Variants in TMEM182 observed in about 807,000 individuals in gnomAD.
The protein encoded by TMEM182 is transmembrane protein 182.
Under a neutral mutation model 26.8 loss-of-function variants are expected in TMEM182, and 20 were observed. That is an observed-to-expected ratio of 0.75 (90% CI 0.53 to 1.09). TMEM182 has a LOEUF of 1.09. Among genes scored for constraint, TMEM182 ranks in the 50% least tolerant of loss-of-function variants. The probability of loss-of-function intolerance (pLI) is 0.00; values close to 1 mark genes in which losing one functional copy is unlikely to be tolerated. For missense variants in TMEM182, 277 were observed against 275.5 expected, an observed-to-expected ratio of 1.01 and a Z score of -0.04; for synonymous variants, 109 against 102.2, an observed-to-expected ratio of 1.07 and a Z score of -0.40.
downstream of TMEM182, among the ~76,000 whole-genome samples, chr2:102,821,567 A>C (rs1682916165): frequency 6.6e-6 from 1 of 152,190 alleles, no homozygotes; most frequent in South Asian, 2.1e-4. Context: ...TTTTCAGCTT[A>C]CAGAACCGTG....
intron 3 of TMEM182, among the ~76,000 whole-genome samples, chr2:102,774,505 T>C (rs2104682925): frequency 6.6e-6 from 1 of 152,050 alleles, no homozygotes; most frequent in South Asian, 2.1e-4. Context: ...GACCTTGTGA[T>C]CTGCCCGCCT....
At chr2:102,781,579 A>G (rs977349251) in intron 3 of TMEM182, among the ~76,000 whole-genome samples, 1 of 152,136 alleles carries the variant, frequency 6.6e-6, no homozygotes, top group Non-Finnish European at 1.5e-5. Flanking sequence ...AGGATGCTCC[A>G]TTGTTACAAG....
At chr2:102,785,735 T>G (rs1369101343) in intron 3 of TMEM182, among the ~76,000 whole-genome samples, 1 of 152,210 alleles carries the variant, frequency 6.6e-6, no homozygotes, top group African/African-American at 2.4e-5. Context: ...AAGAGAAAGA[T>G]TCCAAGATGT....
At chr2:102,744,115 C>G (rs1276719889) in intron 1 of TMEM182, among the ~76,000 whole-genome samples, 1 of 152,180 alleles carries the variant, frequency 6.6e-6, no homozygotes. Context: ...CCCTTTGTCT[C>G]AAGCTCAAAT....
intron 3 of TMEM182, among the ~76,000 whole-genome samples, chr2:102,774,389 G>A (rs1162055733): frequency 3.3e-5 from 5 of 150,636 alleles, no homozygotes; most frequent in Admixed American, 6.6e-5. Flanking sequence ...CTGAGTAGCC[G>A]GGATTACAGG....
At chr2:102,739,230 G>A (rs905061616) in intron 1 of TMEM182, among the ~76,000 whole-genome samples, 1 of 152,178 alleles carries the variant, frequency 6.6e-6, no homozygotes, top group Non-Finnish European at 1.5e-5. Flanking sequence ...GAGTGTACCA[G>A]TCACCAGAAT....
At chr2:102,807,029 G>A (rs1206936143) in intron 4 of TMEM182, among the ~76,000 whole-genome samples, 1 of 152,156 alleles carries the variant, frequency 6.6e-6, no homozygotes, top group Non-Finnish European at 1.5e-5. Context: ...GTGGAAATAG[G>A]TAAACCCCCA....
intron 3 of TMEM182, among the ~76,000 whole-genome samples, chr2:102,842,310 G>T (rs1287734397): frequency 2.0e-5 from 3 of 152,088 alleles, no homozygotes; most frequent in African/African-American, 7.2e-5. Context: ...ACCTTGAATT[G>T]CTGGGATCAC....
intron 3 of TMEM182, among the ~76,000 whole-genome samples, chr2:102,823,916 C>G (rs943237507): frequency 1.3e-5 from 2 of 152,282 alleles, no homozygotes; most frequent in Non-Finnish European, 2.9e-5. Context: ...TAATATTGCA[C>G]TAGAACATTG....
intron 4 of TMEM182, among the ~76,000 whole-genome samples, chr2:102,805,402 G>C (rs1224574251): frequency 3.3e-5 from 5 of 152,162 alleles, no homozygotes; most frequent in African/African-American, 1.2e-4. Context: ...TCTTTGGAGA[G>C]AGCCATTGCT....
chr2:102,771,020 A>G (rs757661691), intron 3 of TMEM182, among the ~76,000 whole-genome samples: 1 of 152,092 alleles, frequency 6.6e-6, no homozygotes. Context: ...CAGATCGATT[A>G]CTCTGTGGTA....
At chr2:102,737,115 T>G in intron 1 of TMEM182, 1 of 351,266 alleles carries the variant, frequency 2.8e-6, no homozygotes, top group South Asian at 4.7e-5. Flanking sequence ...GGAATTGTAT[T>G]GAGCTTCACT....
At chr2:102,744,793 A>G (rs898049561) in intron 1 of TMEM182, among the ~76,000 whole-genome samples, 2 of 152,076 alleles carry the variant, frequency 1.3e-5, no homozygotes, top group Middle Eastern at 3.4e-3. Flanking sequence ...TCCGAAAGCA[A>G]TTTGTCTTTT....
chr2:102,775,398 A>T (rs928386053), intron 3 of TMEM182: 1 of 152,228 alleles, frequency 6.6e-6, no homozygotes, highest in Non-Finnish European at 1.5e-5. Context: ...TCAAAATAAT[A>T]AGAGCTATCT....
At chr2:102,821,479 C>T (rs1053354391), downstream of TMEM182, among the ~76,000 whole-genome samples, 1 of 152,168 alleles carries the variant, frequency 6.6e-6, no homozygotes, top group South Asian at 2.1e-4. Context: ...CATGCCTGCT[C>T]CCTCTTTGCC....
rs578151120 is a variant in TMEM182, at chr2:102,765,286, TTGCAATCTCCAGTC to T, written c.331+862_331+875del. Among the ~76,000 whole-genome samples, 584 of 152,310 alleles carry T rather than the reference TTGCAATCTCCAGTC, an allele frequency of 3.8e-3. 8 individuals are homozygous for T. The highest frequency in any genetic ancestry group is 0.013 in the African/African-American group (559 of 41,566). On this transcript the variant is annotated intron_variant, in intron 3 of 4. Transcript: ENST00000412401. ...CTGGAGATTCAGGTCAGAGCTGATG[TTGCAATCTCCAGTC>T]TGAAGGCTGGACACTCCAGTAGAAT...
chr2:102,834,582 A>C (rs368828559), intron 3 of TMEM182, among the ~76,000 whole-genome samples: 2 of 152,206 alleles, frequency 1.3e-5, no homozygotes, highest in South Asian at 4.1e-4. Flanking sequence ...AAACAAAACA[A>C]AACTGATGCT....
intron 1 of TMEM182, among the ~76,000 whole-genome samples, chr2:102,755,688 C>T (rs571507080): frequency 6.6e-6 from 1 of 152,330 alleles, no homozygotes; most frequent in African/African-American, 2.4e-5. Flanking sequence ...AGCACTCAGA[C>T]ACTTCCCTCT....
chr2:102,790,988 T>A (rs1276943937), intron 3 of TMEM182, among the ~76,000 whole-genome samples: 1 of 152,082 alleles, frequency 6.6e-6, no homozygotes, highest in East Asian at 1.9e-4. Context: ...CAGGCTGGAG[T>A]GTAGTGGCAC....
Sources: gnomAD v4.1 joint callset for allele counts (sites outside exome capture counted in the v4.1 genomes callset) on GRCh38, gnomAD v4.1.1 for gene constraint, MANE v1.5 for transcripts, NCBI Gene and HGNC (gene_info 2026-07-23, HGNC 2026-07-21) for gene names.